NLRC5: variants seen among roughly 807,000 people sequenced by gnomAD.
NLRC5 encodes the protein NLR family CARD domain containing 5.
In NLRC5, 114 loss-of-function variants were observed where a neutral mutation model predicts 206.9. The ratio of observed to expected loss-of-function variants is 0.55; its 90% CI spans 0.47 to 0.64. The LOEUF (loss-of-function observed/expected upper bound fraction) is 0.64. NLRC5 is among the 30% of genes least tolerant of loss of function. The pLI is 0.00. For missense variants in NLRC5, 2,008 were observed against 2,305.5 expected, an observed-to-expected ratio of 0.87 and a Z score of 2.64; for synonymous variants, 952 against 962.8, an observed-to-expected ratio of 0.99 and a Z score of 0.21.
chr16:57,041,015 G>T (rs1281439390), intron 17 of NLRC5, among the ~76,000 whole-genome samples: 1 of 152,116 alleles, frequency 6.6e-6, no homozygotes, highest in East Asian at 1.9e-4. Flanking sequence ...AAGAGGTGAA[G>T]GGGAGCACTG....
intron 4 of NLRC5, among the ~76,000 whole-genome samples, chr16:57,022,681 A>T (rs2060808182): frequency 6.6e-6 from 1 of 152,164 alleles, no homozygotes. Flanking sequence ...CCCGACTTGT[A>T]CACCTTGGAC....
intron 10 of NLRC5, among the ~76,000 whole-genome samples, chr16:57,031,047 G>A (rs1237344953): frequency 6.6e-6 from 1 of 151,876 alleles, no homozygotes; most frequent in East Asian, 1.9e-4. Context: ...CTGCAGTGAG[G>A]TGTGAACACA....
intron 36 of NLRC5, among the ~76,000 whole-genome samples, chr16:57,069,336 C>T (rs1011202921): frequency 1.3e-5 from 2 of 152,074 alleles, no homozygotes; most frequent in African/African-American, 2.4e-5. Context: ...GTGGCTCAAG[C>T]TTGTAATCCC....
chr16:57,039,813 C>G lies in NLRC5; in HGVS notation c.2834C>G (p.Ala945Gly). Residue 945 changes from alanine to glycine, a missense_variant, in exon 16 of 49, where the codon GCC becomes GGC. By Grantham distance (60) the Ala-to-Gly change is moderately conservative. Transcript: ENST00000688547. ...CACAAAACTGTGATCTTCATGTTTG[C>G]CCAGGAGCCAGAGGAGCAGAAGGGG... ...LQHKTVIFMF[A>G]QEPEEQKGPQ... 1 of 1,614,144 alleles carries G rather than the reference C, an allele frequency of 6.2e-7. No individual in the cohort carries two copies. The highest frequency in any genetic ancestry group is 1.1e-5 in the South Asian group (1 of 91,086).
At chr16:57,063,660 G>T (rs1392002736) in intron 32 of NLRC5, among the ~76,000 whole-genome samples, 2 of 152,088 alleles carry the variant, frequency 1.3e-5, no homozygotes, top group African/African-American at 2.4e-5. Flanking sequence ...AAAGTGCTAG[G>T]CGTGAGCCAC....
At chr16:57,044,771 A>T (rs772439975) in intron 20 of NLRC5, among the ~76,000 whole-genome samples, 4 of 151,718 alleles carry the variant, frequency 2.6e-5, no homozygotes, top group Non-Finnish European at 5.9e-5. Context: ...AAACTTTAAA[A>T]ATTAGCCAAG....
chr16:57,059,800 TAC>T (rs1241896776), intron 30 of NLRC5, among the ~76,000 whole-genome samples: 2 of 152,182 alleles, frequency 1.3e-5, no homozygotes, highest in Non-Finnish European at 2.9e-5. Flanking sequence ...ATGTCCTGAC[TAC>T]AGGCCTTGAG....
chr16:57,000,494 C>A (rs531418912), intron 1 of NLRC5, among the ~76,000 whole-genome samples: 2 of 152,070 alleles, frequency 1.3e-5, no homozygotes, highest in South Asian at 2.1e-4. Context: ...GGAGTGCAGG[C>A]ATGAATTTGA....
intron 38 of NLRC5, among the ~76,000 whole-genome samples, chr16:57,071,019 C>T (rs372046765): frequency 0.12 from 1,471 of 12,232 alleles, 29 homozygotes; most frequent in South Asian, 0.19. Context: ...TGAGTGGTGG[C>T]GTTGGTTAAT....
At chr16:57,056,791 T>G (rs1239474156) in intron 27 of NLRC5, among the ~76,000 whole-genome samples, 2 of 152,028 alleles carry the variant, frequency 1.3e-5, no homozygotes, top group Non-Finnish European at 2.9e-5. Context: ...CCCAAGGAGC[T>G]GAGATTACAG....
At position 57,047,527 on chromosome 16, in the gene NLRC5, C is replaced by T. The variant is rs1193427870; in HGVS notation, c.3339-18C>T. Reference sequence around the variant, plus strand: ...GGGCTTTCTCTGATTCCCTGCCCTGCCCATTGCCCCTTTGCAGCCTCAGTG... The same window carrying T: ...GGGCTTTCTCTGATTCCCTGCCCTGTCCATTGCCCCTTTGCAGCCTCAGTG... On this transcript the variant is annotated intron_variant, in intron 22 of 48. Coordinates refer to ENST00000688547, the MANE Select transcript of NLRC5 (RefSeq NM_001384950.1). 4 of 1,606,146 alleles carry T rather than the reference C, an allele frequency of 2.5e-6. No homozygotes were observed. The highest frequency in any genetic ancestry group is 3.4e-6 in the Non-Finnish European group (4 of 1,175,474).
At chr16:56,993,936 A>G (rs2057276560) in intron 1 of NLRC5, among the ~76,000 whole-genome samples, 3 of 148,708 alleles carry the variant, frequency 2.0e-5, no homozygotes, top group Non-Finnish European at 4.4e-5. Flanking sequence ...TTCTTGTATT[A>G]TATATGGGAT....
chr16:57,066,484 C>T, intron 33 of NLRC5, 50 bp from the exon 34 acceptor site: 1 of 1,556,236 alleles, frequency 6.4e-7, no homozygotes, highest in Non-Finnish European at 8.9e-7. Flanking sequence ...CCAGCTAGGC[C>T]CTCCGGGGAA....
chr16:57,040,986 G>A (rs1386736319), intron 17 of NLRC5, among the ~76,000 whole-genome samples: 1 of 152,128 alleles, frequency 6.6e-6, no homozygotes. Flanking sequence ...AGCAGCTGAG[G>A]GGTTGTGGAG....
intron 1 of NLRC5, among the ~76,000 whole-genome samples, chr16:57,015,580 T>C (rs562467410): frequency 6.9e-6 from 1 of 145,062 alleles, no homozygotes; most frequent in Non-Finnish European, 1.5e-5. Context: ...AGAAAGACCC[T>C]GTCTCTTAAA....
chr16:57,033,266 T>G (rs143619280), intron 11 of NLRC5, among the ~76,000 whole-genome samples: 55 of 152,358 alleles, frequency 3.6e-4, no homozygotes, highest in African/African-American at 1.2e-3. Context: ...TACTTGGACA[T>G]ACATTGTCTC....
rs929168133 is a variant in NLRC5 at position 57,025,808 on chromosome 16, G to C, written c.865G>C (p.Asp289His). ...DLYLSPESDH[D>H]TVFQYLEKNA... ...GTACCTGAGCCCTGAATCGGACCAC[G>C]ACACTGTCTTCCAGTACCTGGAGAA... Residue 289 changes from aspartate to histidine, a missense_variant, in exon 6 of 49, where the codon GAC becomes CAC. Transcript: ENST00000688547. 1.2e-6 allele frequency: 2 copies of C among 1,614,230 alleles called. No individual in the cohort carries two copies. Among genetic ancestry groups the C allele is most frequent in the Non-Finnish European group, 1.7e-6 (2 of 1,180,036 alleles).
intron 1 of NLRC5, chr16:57,013,720 C>G (rs1180765932): frequency 4.0e-6 from 3 of 742,298 alleles, no homozygotes; most frequent in Non-Finnish European, 7.3e-6. Flanking sequence ...GTGGTTGTGC[C>G]TGATAAAAGT....
intron 21 of NLRC5, 81 bp from the exon 22 acceptor site, chr16:57,046,471 C>T: frequency 5.2e-6 from 6 of 1,150,224 alleles, no homozygotes. Context: ...CTAAACGATC[C>T]CCCTCCTAGG....
Sources: allele counts gnomAD v4.1 joint callset (sites outside exome capture counted in the v4.1 genomes callset), GRCh38; gene constraint gnomAD v4.1.1; transcripts MANE v1.5; gene names NCBI Gene and HGNC (gene_info 2026-07-23, HGNC 2026-07-21).